The following ABCG8 variants were observed in gnomAD, a reference collection of about 807,000 sequenced individuals.
ABCG8 encodes the protein ATP-binding cassette sub-family G member 8.
Under a neutral mutation model 71.3 loss-of-function variants are expected in ABCG8, and 81 were observed. That is an observed-to-expected ratio of 1.14 (90% CI 0.95 to 1.37). The LOEUF is 1.37. ABCG8 is among the 40% of genes most tolerant of loss of function. The pLI is 0.00. For missense variants in ABCG8, 1,119 were observed against 866.2 expected (o/e 1.29, Z -3.66); for synonymous variants, 451 against 354.7 (o/e 1.27, Z -3.05).
intron 6 of ABCG8, among the ~76,000 whole-genome samples, chr2:43,860,244 T>C (rs1379253108): frequency 2.7e-5 from 4 of 149,228 alleles, no homozygotes; most frequent in Non-Finnish European, 6.0e-5. Context: ...AGAATTCTCA[T>C]GATCTGGATA....
chr2:43,844,676 A>G, intron 2 of ABCG8, 68 bp downstream of exon 2: 1 of 1,318,186 alleles, frequency 7.6e-7, no homozygotes, highest in Non-Finnish European at 1.1e-6. Flanking sequence ...CCCGGGTGGA[A>G]ATAAAAGGGT....
chr2:43,875,495 C>G lies in ABCG8; in HGVS notation c.1756+82C>G, dbSNP rs4148222. On this transcript the variant is annotated intron_variant, in intron 11 of 12. Coordinates refer to ENST00000272286, the MANE Select transcript of ABCG8 (RefSeq NM_022437.3). The stretch of plus-strand genomic sequence containing the variant: ...AAGCCTGCTTTCATCTGGAGATGGA[C>G]ACTTATCACTTAGATCCAACTCGAG... The G allele has an allele frequency of 4.8e-5, 73 of 1,519,280 alleles. 1 individual carries two copies. The South Asian group carries it at 8.1e-4, about 17-fold the overall frequency. 94.1% of individuals were successfully genotyped at this position (1,519,280 alleles called of 1,614,324 possible). A position where few individuals can be genotyped will look rare whatever the true frequency, so the allele number is the denominator to read the frequency against.
chr2:43,862,446 A>G (rs964221846), intron 6 of ABCG8, among the ~76,000 whole-genome samples: 1 of 150,474 alleles, frequency 6.6e-6, no homozygotes, highest in African/African-American at 2.4e-5. Context: ...AACTCTCACT[A>G]TCTGAATAGA....
intron 6 of ABCG8, among the ~76,000 whole-genome samples, chr2:43,866,951 G>T (rs1384838118): frequency 6.6e-6 from 1 of 151,246 alleles, no homozygotes; most frequent in Non-Finnish European, 1.5e-5. Context: ...CAACCCAAAT[G>T]TCCAACAATG....
intron 6 of ABCG8, among the ~76,000 whole-genome samples, chr2:43,862,084 C>A (rs1669341161): frequency 6.6e-6 from 1 of 150,598 alleles, no homozygotes; most frequent in African/African-American, 2.4e-5. Context: ...TTCTTACTCT[C>A]TTGGTAAAAA....
chr2:43,869,034 T>C (rs533969497), intron 6 of ABCG8, among the ~76,000 whole-genome samples: 1 of 152,190 alleles, frequency 6.6e-6, no homozygotes, highest in African/African-American at 2.4e-5. Context: ...CCTGTCTAGA[T>C]AGAATTTTCA....
chr2:43,878,806 T>C lies in ABCG8; in HGVS notation c.*893T>C, dbSNP rs1670042860. 1 of 152,244 alleles carries C rather than the reference T, an allele frequency of 6.6e-6. No individual in the cohort carries two copies. Among genetic ancestry groups the C allele is most frequent in the Admixed American group, 6.5e-5 (1 of 15,284 alleles). The allele number at this position is 152,244 out of a possible 1,614,324, so 9.4% of individuals were successfully genotyped here. On this transcript the variant is annotated 3_prime_UTR_variant, in exon 13 of 13. Transcript: ENST00000272286. ...GTCCTCACCCAAATCTCACCTTGAA[T>C]TGTAATAATCCCCAAGTGTCAAGGG...
chr2:43,877,105 G>A (rs555089686), intron 11 of ABCG8, among the ~76,000 whole-genome samples: 151 of 147,088 alleles, frequency 1.0e-3, no homozygotes, highest in Admixed American at 3.1e-3. Context: ...TGTGAATATG[G>A]GGGAGACTGT....
rs769842021 is a variant in ABCG8, at chr2:43,852,770, G to A, written c.866G>A (p.Gly289Asp). Residue 289 changes from glycine to aspartate, a missense_variant, in exon 6 of 13, where the codon GGC becomes GAC. By Grantham distance (94) the Gly-to-Asp change is moderately conservative. Transcript: ENST00000272286. Reference sequence around the variant, plus strand: ...GATCTGGTCCTCCTGATGACGTCTGGCACCCCCATCTACTTAGGGGCGGCC... The same window carrying A: ...GATCTGGTCCTCCTGATGACGTCTGACACCCCCATCTACTTAGGGGCGGCC... Reference protein sequence around the residue: ...LFDLVLLMTSGTPIYLGAAQH... With the variant: ...LFDLVLLMTSDTPIYLGAAQH... 21 of 1,614,088 alleles carry A rather than the reference G, an allele frequency of 1.3e-5. No homozygotes were observed. The highest frequency in any genetic ancestry group is 1.7e-4 in the Middle Eastern group (1 of 6,060).
chr2:43,846,502 G>A (rs927607101), intron 3 of ABCG8, 191 bp downstream of exon 3: 2 of 789,160 alleles, frequency 2.5e-6, no homozygotes, highest in African/African-American at 3.4e-5. Context: ...CTGGCTTGAG[G>A]GTAGGTGCTG....
At chr2:43,870,209 C>A (rs1344938470) in intron 6 of ABCG8, among the ~76,000 whole-genome samples, 1 of 149,842 alleles carries the variant, frequency 6.7e-6, no homozygotes, top group Non-Finnish European at 1.5e-5. Flanking sequence ...GGATAGAATT[C>A]TCACTGTCTG....
Position 43,877,630 on chromosome 2 carries a change from G to C in ABCG8, c.1826G>C (p.Ser609Thr). 1 of 1,614,148 alleles carries C rather than the reference G, an allele frequency of 6.2e-7. No individual in the cohort carries two copies. The highest frequency in any genetic ancestry group is 8.5e-7 in the Non-Finnish European group (1 of 1,180,032). Residue 609 changes from serine (S) to threonine (T), a missense_variant, in exon 12 of 13, where the codon AGC becomes ACC. Ser to Thr is a moderately conservative substitution (Grantham distance 58). Coordinates refer to ENST00000272286, the MANE Select transcript of ABCG8 (RefSeq NM_022437.3). Reference sequence around the variant, plus strand: ...GAAGGGCTGATGAAGATTCAGTTCAGCAGAAGAACTTATAAAATGCCTCTC... The same window carrying C: ...GAAGGGCTGATGAAGATTCAGTTCACCAGAAGAACTTATAAAATGCCTCTC... The part of the protein sequence containing the change: ...CFEGLMKIQF[S>T]RRTYKMPLGN...
intron 6 of ABCG8, among the ~76,000 whole-genome samples, chr2:43,854,584 G>T (rs1419287126): frequency 7.1e-6 from 1 of 140,314 alleles, no homozygotes; most frequent in East Asian, 2.3e-4. Context: ...CTGAGATTGT[G>T]CCACTGCACC....
chr2:43,851,942 T>G, intron 4 of ABCG8, 120 bp downstream of exon 4: 2 of 1,181,266 alleles, frequency 1.7e-6, no homozygotes, highest in Non-Finnish European at 2.5e-6. Flanking sequence ...ACAACTCAGC[T>G]TGCCTTCCGC....
At chr2:43,841,198 T>C (rs1668572512) in intron 1 of ABCG8, among the ~76,000 whole-genome samples, 3 of 152,186 alleles carry the variant, frequency 2.0e-5, no homozygotes, top group Non-Finnish European at 4.4e-5. Context: ...GGGCATAGGC[T>C]CCTCATCTCA....
rs1054922965 is a variant in ABCG8 at position 43,876,436 on chromosome 2, G to A, written c.1756+1023G>A. 5.3e-5 allele frequency among the ~76,000 whole-genome samples: 8 copies of A among 150,848 alleles called. No homozygotes were observed. In the East Asian group the frequency reaches 8.0e-4, roughly 15 times the overall value. On this transcript the variant is annotated intron_variant, in intron 11 of 12. Coordinates refer to ENST00000272286, the MANE Select transcript of ABCG8 (RefSeq NM_022437.3). ...ATGGGAATATGGGGAGACTGAATAC[G>A]GGGGAGACTGTGTCGATATAAAGGA...
intron 8 of ABCG8, 110 bp from the exon 9 acceptor site, chr2:43,873,677 T>A: frequency 9.2e-7 from 1 of 1,082,552 alleles, no homozygotes; most frequent in Non-Finnish European, 1.4e-6. Flanking sequence ...GGTATTACCA[T>A]CCCCATTTTG....
At position 43,852,755 on chromosome 2, in the gene ABCG8, T is replaced by G; in HGVS notation, c.851T>G (p.Leu284Arg). Reference sequence around the variant, plus strand: ...ATCTTCAGGCTGTTTGATCTGGTCCTCCTGATGACGTCTGGCACCCCCATC... The same window carrying G: ...ATCTTCAGGCTGTTTGATCTGGTCCGCCTGATGACGTCTGGCACCCCCATC... ...SDIFRLFDLV[L>R]LMTSGTPIYL... Residue 284 changes from leucine (L) to arginine (R), a missense_variant, in exon 6 of 13, where the codon CTC becomes CGC. Coordinates refer to ENST00000272286, the MANE Select transcript of ABCG8 (RefSeq NM_022437.3). 1 of 1,614,146 alleles carries G rather than the reference T, an allele frequency of 6.2e-7. No individual in the cohort carries two copies. The highest frequency in any genetic ancestry group is 8.5e-7 in the Non-Finnish European group (1 of 1,180,016).
At position 43,875,152 on chromosome 2, in the gene ABCG8, G is replaced by A. The variant is rs368551459; in HGVS notation, c.1495G>A (p.Gly499Arg). Reference sequence around the variant, plus strand: ...CAAGGGCTGTTCTTTGCAGATCCTCGGGGAGCTTCCGGAGCACTGTGCCTA... The same window carrying A: ...CAAGGGCTGTTCTTTGCAGATCCTCAGGGAGCTTCCGGAGCACTGTGCCTA... ...TGPYFFAKIL[G>R]ELPEHCAYII... Residue 499 changes from glycine (G) to arginine (R), a missense_variant, in exon 11 of 13, where the codon GGG (glycine) becomes AGG (arginine). Coordinates refer to ENST00000272286, the MANE Select transcript of ABCG8 (RefSeq NM_022437.3). The A allele has an allele frequency of 6.8e-5, 109 of 1,614,190 alleles. No individual in the cohort carries two copies. Among genetic ancestry groups the A allele is most frequent in the South Asian group, 4.4e-4 (40 of 91,076 alleles).
Sources: gnomAD v4.1 joint callset for allele counts (sites outside exome capture counted in the v4.1 genomes callset) on GRCh38, gnomAD v4.1.1 for gene constraint, MANE v1.5 for transcripts, NCBI Gene and HGNC (gene_info 2026-07-23, HGNC 2026-07-21) for gene names.